The following CBX1 variants were observed in gnomAD, a reference collection of about 807,000 sequenced individuals.
The protein encoded by CBX1 is chromobox protein homolog 1.
CBX1 carries 10 observed loss-of-function variants against 25.1 expected under a neutral mutation model. The ratio of observed to expected loss-of-function variants is 0.40; its 90% CI spans 0.25 to 0.68. The LOEUF is 0.68. Among genes scored for constraint, CBX1 ranks in the 30% least tolerant of loss-of-function variants. CBX1 has a pLI of 0.40. For missense variants in CBX1, 106 were observed against 218.5 expected (o/e 0.49, Z 3.25); for synonymous variants, 63 against 79.4 (o/e 0.79, Z 1.10).
chr17:48,098,352 C>T (rs2063387630), intron 1 of CBX1, among the ~76,000 whole-genome samples: 1 of 152,200 alleles, frequency 6.6e-6, no homozygotes, highest in Admixed American at 6.5e-5. Flanking sequence ...GTCACAGACA[C>T]AGGACAAGCA....
chr17:48,077,118 C>T, intron 1 of CBX1, 77 bp from the exon 2 acceptor site: 1 of 1,160,332 alleles, frequency 8.6e-7, no homozygotes, highest in Non-Finnish European at 1.2e-6. Context: ...GGTAAGAAAA[C>T]CAGGGACATG....
intron 1 of CBX1, among the ~76,000 whole-genome samples, chr17:48,078,578 C>T (rs1475417940): frequency 2.0e-5 from 3 of 152,028 alleles, no homozygotes; most frequent in Non-Finnish European, 4.4e-5. Context: ...CAACCTCTGC[C>T]TCCCGGGTTC....
intron 1 of CBX1, among the ~76,000 whole-genome samples, chr17:48,078,615 G>A (rs553720704): frequency 8.6e-5 from 13 of 151,326 alleles, no homozygotes; most frequent in African/African-American, 1.9e-4. Flanking sequence ...TCCACCTCCC[G>A]AGTAGTTGGT....
At chr17:48,088,778 C>G (rs1291149163) in intron 1 of CBX1, 1 of 152,072 alleles carries the variant, frequency 6.6e-6, no homozygotes, top group Non-Finnish European at 1.5e-5. Flanking sequence ...GCTGCTTAAG[C>G]AAGCACCAGT....
intron 4 of CBX1, 66 bp from the exon 5 acceptor site, chr17:48,071,645 C>T (rs2037625781): frequency 7.3e-7 from 1 of 1,374,432 alleles, no homozygotes; most frequent in South Asian, 1.6e-5. Context: ...GTTGGATAAC[C>T]CAGGGGACAG....
chr17:48,093,019 G>A (rs2063352066), intron 1 of CBX1, among the ~76,000 whole-genome samples: 1 of 137,678 alleles, frequency 7.3e-6, no homozygotes. Flanking sequence ...GCAGTGAGCC[G>A]AGATCACACC....
intron 1 of CBX1, among the ~76,000 whole-genome samples, chr17:48,099,514 C>T (rs1385344889): frequency 1.3e-5 from 2 of 152,162 alleles, no homozygotes; most frequent in Non-Finnish European, 2.9e-5. Flanking sequence ...TCCCGTGAAG[C>T]TTCATTAAGG....
chr17:48,100,885 C>T (rs2144483024), intron 1 of CBX1: 1 of 985,648 alleles, frequency 1.0e-6, no homozygotes, highest in Non-Finnish European at 1.2e-6. Flanking sequence ...TCGGGTTGTG[C>T]GGTCGTATGC....
intron 1 of CBX1, among the ~76,000 whole-genome samples, chr17:48,097,894 A>G (rs1432768766): frequency 6.6e-6 from 1 of 152,200 alleles, no homozygotes; most frequent in Non-Finnish European, 1.5e-5. Flanking sequence ...TGCTCAGGTC[A>G]ATACAAAGGA....
chr17:48,099,259 G>A (rs929354716), intron 1 of CBX1, among the ~76,000 whole-genome samples: 2 of 152,000 alleles, frequency 1.3e-5, no homozygotes, highest in African/African-American at 4.8e-5. Flanking sequence ...TGCGCCACTA[G>A]GCCCAGCTAA....
At chr17:48,074,929 G>A (rs16951519) in intron 4 of CBX1, 77 bp downstream of exon 4, 109,089 of 1,021,022 alleles carry the variant, frequency 0.11, 6,172 homozygotes, top group East Asian at 0.18. Flanking sequence ...AATTTCGAAG[G>A]TCCAGCTCTT....
intron 1 of CBX1, among the ~76,000 whole-genome samples, chr17:48,084,048 G>A (rs2037762852): frequency 6.7e-6 from 1 of 149,948 alleles, no homozygotes; most frequent in African/African-American, 2.5e-5. Context: ...ACGGTGGCCT[G>A]ATCATAACTC....
chr17:48,073,752 G>C (rs1008152679), intron 4 of CBX1, among the ~76,000 whole-genome samples: 1 of 149,806 alleles, frequency 6.7e-6, no homozygotes, highest in Non-Finnish European at 1.5e-5. Context: ...ATTGAACCCG[G>C]AGGGGCGGAG....
intron 1 of CBX1, among the ~76,000 whole-genome samples, chr17:48,094,225 G>A (rs1473364034): frequency 4.0e-5 from 6 of 151,758 alleles, no homozygotes; most frequent in Non-Finnish European, 7.4e-5. Context: ...CTTGAGGTCA[G>A]GAGTTCAAGA....
chr17:48,099,273 T>A lies in CBX1; in HGVS notation c.-38+1995A>T, dbSNP rs183184886. On this transcript the variant is annotated intron_variant, in intron 1 of 4. Transcript: ENST00000225603. The stretch of plus-strand genomic sequence containing the variant: ...ATGCGCCACTAGGCCCAGCTAATTT[T>A]GTATTTTTAGTAGAGACAGGGTTTC... Among the ~76,000 whole-genome samples the A allele has an allele frequency of 4.0e-3, 616 of 152,288 alleles. 9 individuals carry two copies. The highest frequency in any genetic ancestry group is 0.014 in the African/African-American group (564 of 41,554).
chr17:48,101,165 T>C, intron 1 of CBX1, 103 bp downstream of exon 1: 1 of 987,082 alleles, frequency 1.0e-6, no homozygotes, highest in Non-Finnish European at 1.2e-6. Flanking sequence ...CGCTCCCCGC[T>C]CCTAACCTCC....
intron 1 of CBX1, chr17:48,100,848 G>C (rs977410201): frequency 3.9e-5 from 38 of 985,692 alleles, no homozygotes; most frequent in Non-Finnish European, 4.6e-5. Context: ...AGCCGGACCC[G>C]GCGTCTTCCG....
At chr17:48,090,062 C>T (rs1037540928) in intron 1 of CBX1, among the ~76,000 whole-genome samples, 5 of 151,554 alleles carry the variant, frequency 3.3e-5, no homozygotes, top group African/African-American at 7.3e-5. Flanking sequence ...TGCACCACCA[C>T]CCCTGGCTAA....
chr17:48,084,466 C>A (rs2037769106), intron 1 of CBX1, among the ~76,000 whole-genome samples: 1 of 148,272 alleles, frequency 6.7e-6, no homozygotes, highest in Non-Finnish European at 1.5e-5. Flanking sequence ...GCCTCAGCCT[C>A]CCAAAGTGCT....
Sources: gnomAD v4.1 joint callset for allele counts (sites outside exome capture counted in the v4.1 genomes callset) on GRCh38, gnomAD v4.1.1 for gene constraint, MANE v1.5 for transcripts, NCBI Gene and HGNC (gene_info 2026-07-23, HGNC 2026-07-21) for gene names.